The following POLR2B variants were observed in gnomAD, a reference collection of about 807,000 sequenced individuals.
The protein encoded by POLR2B is DNA-directed RNA polymerase II subunit RPB2.
POLR2B carries 57 observed loss-of-function variants against 144.6 expected under a neutral mutation model. The ratio of observed to expected loss-of-function variants is 0.39; its 90% confidence interval spans 0.32 to 0.49. The LOEUF (loss-of-function observed/expected upper bound fraction) is 0.49. Among genes scored for constraint, POLR2B ranks in the 20% least tolerant of loss-of-function variants. POLR2B has a pLI of 0.83. For missense variants in POLR2B, 595 were observed against 1,467.4 expected (o/e 0.41, Z 9.71); for synonymous variants, 442 against 469.8 (o/e 0.94, Z 0.77).
Position 57,030,685 on chromosome 4 carries a change from G to A in POLR2B, c.3436-214G>A, listed in dbSNP as rs11573132. On this transcript the variant is annotated intron_variant, in intron 24 of 24. Coordinates refer to ENST00000314595, the MANE Select transcript of POLR2B (RefSeq NM_000938.3). ...AGTTTTTGAAAACCTTTTAGTTGAGGTGGGTGAATATAAATTATGTCTGGC... is the reference window on the plus strand; with the variant it reads ...AGTTTTTGAAAACCTTTTAGTTGAGATGGGTGAATATAAATTATGTCTGGC... 1,311 of 557,916 alleles carry A rather than the reference G, an allele frequency of 2.3e-3. 14 individuals are homozygous for A. The highest frequency in any genetic ancestry group is 0.023 in the African/African-American group (1,202 of 53,410). 34.6% of individuals were successfully genotyped at this position (557,916 alleles called of 1,614,324 possible).
intron 13 of POLR2B, among the ~76,000 whole-genome samples, chr4:57,014,454 C>G (rs898420714): frequency 1.3e-5 from 2 of 150,912 alleles, no homozygotes; most frequent in South Asian, 2.1e-4. Context: ...CTTTGCCTCA[C>G]AAAGTGTTGG....
intron 14 of POLR2B, among the ~76,000 whole-genome samples, chr4:57,016,161 C>G (rs145634698): frequency 6.6e-6 from 1 of 152,000 alleles, no homozygotes; most frequent in East Asian, 1.9e-4. Flanking sequence ...TTCATTGCCC[C>G]GAAAAAACTC....
At chr4:57,011,504 G>A (rs967130345) in intron 13 of POLR2B, among the ~76,000 whole-genome samples, 7 of 151,158 alleles carry the variant, frequency 4.6e-5, no homozygotes, top group Non-Finnish European at 8.8e-5. Flanking sequence ...CTCCAGCCTG[G>A]GTGACAGAGT....
chr4:57,024,191 TG>T (rs59084791), intron 21 of POLR2B, 79 bp downstream of exon 21: 25,436 of 710,544 alleles, frequency 0.036, 2,455 homozygotes, highest in East Asian at 0.24. Flanking sequence ...CTCTCACATT[TG>T]AGCCAGGGTA....
At chr4:57,015,234 A>T (rs1452265801) in intron 13 of POLR2B, among the ~76,000 whole-genome samples, 1 of 152,244 alleles carries the variant, frequency 6.6e-6, no homozygotes, top group Non-Finnish European at 1.5e-5. Flanking sequence ...GTATTGAAAA[A>T]ATATTTCCTA....
chr4:57,024,686 G>T (rs1342694168), intron 21 of POLR2B, among the ~76,000 whole-genome samples, 200 bp from the exon 22 acceptor site: 1 of 152,018 alleles, frequency 6.6e-6, no homozygotes, highest in African/African-American at 2.4e-5. Flanking sequence ...TTTGTGTAAG[G>T]TTATAAAATG....
intron 7 of POLR2B, among the ~76,000 whole-genome samples, chr4:57,001,411 G>A (rs189538261): frequency 1.2e-3 from 183 of 152,294 alleles, no homozygotes; most frequent in African/African-American, 4.2e-3. Flanking sequence ...GGCAGCCTGC[G>A]TAGGCCTCCC....
Position 56,990,757 on chromosome 4 carries a change from T to G in POLR2B, c.102T>G (p.Phe34Leu). 6.2e-7 allele frequency: 1 copy of G among 1,605,488 alleles called. No homozygotes were observed. Among genetic ancestry groups the G allele is most frequent in the Non-Finnish European group, 8.5e-7 (1 of 1,177,448 alleles). Residue 34 changes from phenylalanine to leucine, a missense_variant, in exon 3 of 25, where the codon TTT becomes TTG. Phe to Leu is a conservative substitution (Grantham distance 22, BLOSUM62 0). Coordinates refer to ENST00000314595, the MANE Select transcript of POLR2B (RefSeq NM_000938.3). ...EACWIVISSY[F>L]DEKGLVRQQL... The stretch of plus-strand genomic sequence containing the variant: ...TCAAATATTTTCCCAGTTCCTATTT[T>G]GACGAGAAAGGCTTGGTTAGACAAC...
rs556114890 is a variant in POLR2B, at chr4:57,005,260, C to T, written c.915C>T (p.Leu305=). 16 of 1,557,502 alleles carry T rather than the reference C, an allele frequency of 1.0e-5. No homozygotes were observed. The highest frequency in any genetic ancestry group is 2.8e-5 in the African/African-American group (2 of 71,996). ...PEMMEMVKPS[L]DEAFVIQEQN... Reference sequence around the variant, plus strand: ...TTGTCTGATAGGTTAAACCTTCTCTCGATGAAGCTTTTGTCATCCAAGAAC... The same window carrying T: ...TTGTCTGATAGGTTAAACCTTCTCTTGATGAAGCTTTTGTCATCCAAGAAC... Residue 305 remains leucine, a synonymous_variant, in exon 8 of 25, where the codon CTC becomes CTT. Coordinates refer to ENST00000314595, the MANE Select transcript of POLR2B (RefSeq NM_000938.3).
At chr4:57,028,928 A>G (rs1723809465) in intron 23 of POLR2B, among the ~76,000 whole-genome samples, 1 of 152,210 alleles carries the variant, frequency 6.6e-6, no homozygotes, top group African/African-American at 2.4e-5. Flanking sequence ...ATAGTGTCTC[A>G]TAAGTCCTTT....
At chr4:57,026,760 C>G (rs935313818) in intron 23 of POLR2B, among the ~76,000 whole-genome samples, 2 of 150,728 alleles carry the variant, frequency 1.3e-5, no homozygotes, top group Non-Finnish European at 3.0e-5. Context: ...GACTCTGTCT[C>G]GATAACAAAA....
rs1221457698 is a variant in POLR2B at position 57,025,555 on chromosome 4, A to G, written c.3239+18A>G. The G allele has an allele frequency of 2.0e-6, 3 of 1,506,214 alleles. No homozygotes were observed. Among genetic ancestry groups the G allele is most frequent in the East Asian group, 2.3e-5 (1 of 43,986 alleles). The allele number at this position is 1,506,214 out of a possible 1,614,324, so 93.3% of individuals were successfully genotyped here. ...AGATCTCGGTAAGAACTGTATCATC[A>G]TCATTATTATTAATTAACCTTATAT... is the stretch of plus-strand genomic sequence containing the variant. On this transcript the variant is annotated intron_variant, in intron 23 of 24. Coordinates refer to ENST00000314595, the MANE Select transcript of POLR2B (RefSeq NM_000938.3).
At chr4:57,026,108 C>G (rs896600506) in intron 23 of POLR2B, among the ~76,000 whole-genome samples, 1 of 152,076 alleles carries the variant, frequency 6.6e-6, no homozygotes, top group African/African-American at 2.4e-5. Context: ...CATGGTGGCA[C>G]ACACCTGTAA....
intron 13 of POLR2B, among the ~76,000 whole-genome samples, chr4:57,013,393 A>C (rs60191103): frequency 0.022 from 3,107 of 140,522 alleles, 107 homozygotes; most frequent in African/African-American, 0.077. Flanking sequence ...CTGTCTCTCT[A>C]TCTCTCTATC....
rs1368480163 is a variant in POLR2B at position 57,017,055 on chromosome 4, T to A, written c.1968T>A (p.Leu656=). 2 of 1,580,300 alleles carry A rather than the reference T, an allele frequency of 1.3e-6. No homozygotes were observed. The part of the protein sequence containing the change: ...REYNNYSWQD[L]VASGVVEYID... The stretch of plus-strand genomic sequence containing the variant: ...AATTCTTTTTTAGTTGGCAGGATCT[T>A]GTGGCCAGTGGGGTAGTGGAGTATA... Residue 656 remains leucine (L), a synonymous_variant, in exon 15 of 25, where the codon CTT becomes CTA. Transcript: ENST00000314595. This position sits in a 1 kb window ranked among gnomAD's most constrained non-coding sequence, Gnocchi z 4.8.
chr4:57,015,929 T>G (rs1198300674), intron 14 of POLR2B, among the ~76,000 whole-genome samples: 1 of 152,066 alleles, frequency 6.6e-6, no homozygotes, highest in African/African-American at 2.4e-5. Context: ...CAGCTAATTT[T>G]TGTATTTTTG....
At chr4:57,015,162 G>T (rs956124631) in intron 13 of POLR2B, among the ~76,000 whole-genome samples, 1 of 152,056 alleles carries the variant, frequency 6.6e-6, no homozygotes, top group Non-Finnish European at 1.5e-5. Flanking sequence ...AAGGTTACAG[G>T]GTGAGATATA....
chr4:57,022,130 C>T (rs764624874), intron 17 of POLR2B, 22 bp from the exon 18 acceptor site: 3 of 1,424,454 alleles, frequency 2.1e-6, no homozygotes, highest in East Asian at 2.3e-5. Flanking sequence ...TAGACTTTAC[C>T]TTTAGAACCA....
chr4:56,981,457 C>T (rs1298756228), intron 1 of POLR2B, among the ~76,000 whole-genome samples: 2 of 152,170 alleles, frequency 1.3e-5, no homozygotes, highest in African/African-American at 4.8e-5. Context: ...ATGATATGCA[C>T]GTTTAACATT....
Sources: gnomAD v4.1 joint callset for allele counts (sites outside exome capture counted in the v4.1 genomes callset) on GRCh38, gnomAD v4.1.1 for gene constraint, Gnocchi (gnomAD v3.1) non-coding constraint, MANE v1.5 for transcripts, NCBI Gene and HGNC (gene_info 2026-07-23, HGNC 2026-07-21) for gene names.